The following DOCK4 variants were observed in gnomAD, a reference collection of about 807,000 sequenced individuals.
DOCK4 encodes the protein dedicator of cytokinesis 4, also known as dedicator of cytokinesis protein 4.
Under a neutral mutation model 268.1 loss-of-function variants are expected in DOCK4, and 97 were observed. The ratio of observed to expected loss-of-function variants is 0.36; its 90% CI spans 0.31 to 0.43. The LOEUF is 0.43. Ranked by LOEUF, DOCK4 falls within the 20% of genes least tolerant of loss-of-function variation. The pLI is 1.00. For missense variants in DOCK4, 2,145 were observed against 2,455.7 expected (o/e 0.87, Z 2.67); for synonymous variants, 954 against 887.2 (o/e 1.08, Z -1.34).
Position 111,728,536 on chromosome 7 carries a change from AC to A in DOCK4, c.5665del (p.Val1889CysfsTer114). ...GCCGTAGCTCGGCACGGGCACCGGC[AC>A]TGGCACCGGCAGGGGGGCCGACTGT... ...NEQSAPLPVP[V>X]PVPVPSYGGE... On this transcript the variant is annotated frameshift_variant, in exon 53 of 53. Transcript: ENST00000428084. LOFTEE classifies it high-confidence loss of function. 1.2e-6 allele frequency: 2 copies of A among 1,613,732 alleles called. No individual in the cohort carries two copies. The highest frequency in any genetic ancestry group is 2.2e-5 in the South Asian group (2 of 91,072).
At chr7:111,855,149 G>A (rs1027511429) in intron 23 of DOCK4, among the ~76,000 whole-genome samples, 20 of 152,198 alleles carry the variant, frequency 1.3e-4, no homozygotes, top group African/African-American at 4.8e-4. Context: ...ATCAATTCTG[G>A]AGAGTGCCCC....
intron 38 of DOCK4, among the ~76,000 whole-genome samples, chr7:111,765,534 G>C (rs1050369375): frequency 1.3e-5 from 2 of 152,078 alleles, no homozygotes; most frequent in Admixed American, 6.6e-5. Flanking sequence ...GTTATCCCCA[G>C]AGAAAAATTA....
intron 7 of DOCK4, among the ~76,000 whole-genome samples, chr7:111,984,018 T>C (rs1401012551): frequency 6.6e-6 from 1 of 152,082 alleles, no homozygotes; most frequent in Non-Finnish European, 1.5e-5. Flanking sequence ...AGCATTTCAC[T>C]ACACTAGACA....
chr7:111,995,036 G>GC (rs1799818966), intron 4 of DOCK4, among the ~76,000 whole-genome samples: 1 of 121,914 alleles, frequency 8.2e-6, no homozygotes. Context: ...GAAGTTTTGT[G>GC]TTTTTTTTTT....
At chr7:111,955,711 C>G (rs953221899) in intron 8 of DOCK4, among the ~76,000 whole-genome samples, 3 of 152,180 alleles carry the variant, frequency 2.0e-5, no homozygotes, top group Non-Finnish European at 4.4e-5. Flanking sequence ...GAATATAATA[C>G]TCTTTAAAAT....
At chr7:111,907,926 G>T (rs1791731020) in intron 13 of DOCK4, among the ~76,000 whole-genome samples, 1 of 151,946 alleles carries the variant, frequency 6.6e-6, no homozygotes, top group Non-Finnish European at 1.5e-5. Flanking sequence ...ACAGGGTTTT[G>T]CCATTTGTCC....
intron 1 of DOCK4, among the ~76,000 whole-genome samples, chr7:112,161,662 G>C (rs1817140169): frequency 1.3e-5 from 2 of 152,194 alleles, no homozygotes; most frequent in African/African-American, 2.4e-5. Context: ...TGTGATGTCA[G>C]AGATGCTTTA....
chr7:112,108,330 T>C (rs1350864159), intron 1 of DOCK4, among the ~76,000 whole-genome samples: 1 of 152,224 alleles, frequency 6.6e-6, no homozygotes, highest in Non-Finnish European at 1.5e-5. Flanking sequence ...ACTAGAGTGA[T>C]ACATATCCTT....
At chr7:111,936,485 AATGGATGGATGGATGG>A (rs56276228) in intron 11 of DOCK4, among the ~76,000 whole-genome samples, 15 of 148,176 alleles carry the variant, frequency 1.0e-4, no homozygotes, top group African/African-American at 2.6e-4. Context: ...CAGTGGTATG[AATGGATGGATGGATGG>A]ATGGATGGAT....
chr7:112,151,205 G>A (rs541073746), intron 1 of DOCK4, among the ~76,000 whole-genome samples: 1 of 152,242 alleles, frequency 6.6e-6, no homozygotes, highest in Non-Finnish European at 1.5e-5. Flanking sequence ...GTTAACGCCT[G>A]GGGCTTTGGC....
chr7:111,861,660 C>G (rs1805527745), intron 23 of DOCK4, among the ~76,000 whole-genome samples: 1 of 150,114 alleles, frequency 6.7e-6, no homozygotes, highest in Admixed American at 6.7e-5. Flanking sequence ...ACGGGAGAAT[C>G]ATCTGAACCC....
intron 1 of DOCK4, among the ~76,000 whole-genome samples, chr7:112,124,209 C>T (rs1050911959): frequency 6.6e-6 from 1 of 151,786 alleles, no homozygotes; most frequent in Non-Finnish European, 1.5e-5. Context: ...TTTGTAGAGA[C>T]GAGATCCTGT....
rs76394460 is a variant in DOCK4 at position 111,851,082 on chromosome 7, C to T, written c.2474-3956G>A. Among the ~76,000 whole-genome samples the T allele has an allele frequency of 5.3e-3, 808 of 152,294 alleles. 6 individuals carry two copies. Among genetic ancestry groups the T allele is most frequent in the African/African-American group, 0.018 (737 of 41,558 alleles). The stretch of plus-strand genomic sequence containing the variant: ...CAAAAACAAAAACCCTCTATCCTTA[C>T]CTTACACCAAATGCAAAATTTAACT... On this transcript the variant is annotated intron_variant, in intron 23 of 52. Transcript: ENST00000428084.
chr7:111,939,383 C>T (rs916805188), intron 11 of DOCK4, among the ~76,000 whole-genome samples: 50 of 151,620 alleles, frequency 3.3e-4, no homozygotes, highest in East Asian at 5.9e-4. Context: ...GGTGTGGTGG[C>T]GGGCGCCTGT....
chr7:112,034,072 G>C (rs1478604118), intron 1 of DOCK4, among the ~76,000 whole-genome samples: 2 of 152,158 alleles, frequency 1.3e-5, no homozygotes, highest in Non-Finnish European at 1.5e-5. Context: ...GGGAAATACA[G>C]AGAGAGCTGT....
chr7:111,883,203 A>G (rs1586260351), intron 16 of DOCK4, among the ~76,000 whole-genome samples: 1 of 152,178 alleles, frequency 6.6e-6, no homozygotes, highest in African/African-American at 2.4e-5. Context: ...TAGGCAAAGT[A>G]ATGTTCTGGA....
At position 111,726,533 on chromosome 7, in the gene DOCK4, G is replaced by C. The variant is rs1381684966; in HGVS notation, c.*1741C>G. 1 of 152,384 alleles carries C rather than the reference G, an allele frequency of 6.6e-6. No individual in the cohort carries two copies. Among genetic ancestry groups the C allele is most frequent in the Non-Finnish European group, 1.5e-5 (1 of 68,022 alleles). 9.4% of individuals were successfully genotyped at this position (152,384 alleles called of 1,614,324 possible). A position where few individuals can be genotyped will look rare whatever the true frequency, so the allele number is the denominator to read the frequency against. Reference sequence around the variant, plus strand: ...GCAAAAGCTAGTTCAAAAAATTTCTGACTGCAAAACTTGCAAGATACAAAG... The same window carrying C: ...GCAAAAGCTAGTTCAAAAAATTTCTCACTGCAAAACTTGCAAGATACAAAG... On this transcript the variant is annotated 3_prime_UTR_variant, in exon 53 of 53. Transcript: ENST00000428084.
chr7:112,002,987 G>T (rs987622013), intron 2 of DOCK4, among the ~76,000 whole-genome samples: 1 of 149,896 alleles, frequency 6.7e-6, no homozygotes, highest in African/African-American at 2.5e-5. Context: ...GGAGGCAGAG[G>T]TTGCAGTGAG....
At chr7:111,919,246 AAAG>A (rs769428355) in intron 12 of DOCK4, among the ~76,000 whole-genome samples, 1 of 152,334 alleles carries the variant, frequency 6.6e-6, no homozygotes, top group East Asian at 1.9e-4. Context: ...GAAGAAAATT[AAAG>A]AAGATAGGAA....
Sources: gnomAD v4.1 joint callset for allele counts (sites outside exome capture counted in the v4.1 genomes callset) on GRCh38, gnomAD v4.1.1 for gene constraint, MANE v1.5 for transcripts, NCBI Gene and HGNC (gene_info 2026-07-23, HGNC 2026-07-21) for gene names.